The following PABPC4L variants were observed in gnomAD, a reference collection of about 807,000 sequenced individuals.
PABPC4L encodes poly(A) binding protein cytoplasmic 4 like, also known as polyadenylate-binding protein 4-like.
For missense variants in PABPC4L, 452 were observed against 451.4 expected, an observed-to-expected ratio of 1.00 and a Z score of -0.01; for synonymous variants, 169 against 164.1, an observed-to-expected ratio of 1.03 and a Z score of -0.23.
the PABPC4L span, among the ~76,000 whole-genome samples, chr4:134,115,724 G>T: frequency 6.6e-6 from 1 of 151,722 alleles, no homozygotes; most frequent in South Asian, 2.1e-4. Flanking sequence ...AAATTAGTAT[G>T]GTGATACTAC....
At chr4:134,181,143 T>G in the PABPC4L span, among the ~76,000 whole-genome samples, 983 of 151,886 alleles carry the variant, frequency 6.5e-3, 10 homozygotes, top group African/African-American at 0.022. Flanking sequence ...CAAACCAAAT[T>G]TAGTAGCAAT....
At chr4:134,186,467 G>A in the PABPC4L span, among the ~76,000 whole-genome samples, 1 of 152,154 alleles carries the variant, frequency 6.6e-6, no homozygotes, top group Non-Finnish European at 1.5e-5. Context: ...AATAAATGGT[G>A]CTGGGAAAAC....
chr4:134,057,394 C>T, the PABPC4L span, among the ~76,000 whole-genome samples: 1 of 151,904 alleles, frequency 6.6e-6, no homozygotes, highest in Non-Finnish European at 1.5e-5. Flanking sequence ...TGGTGATGGC[C>T]TCGTTACCAT....
the PABPC4L span, among the ~76,000 whole-genome samples, chr4:134,060,423 C>A: frequency 6.6e-6 from 1 of 151,352 alleles, no homozygotes; most frequent in East Asian, 2.0e-4. Context: ...GCTTACAGCT[C>A]CAGATCAGAA....
chr4:134,158,530 C>T, the PABPC4L span, among the ~76,000 whole-genome samples: 1 of 152,002 alleles, frequency 6.6e-6, no homozygotes, highest in South Asian at 2.1e-4. Context: ...TTCCTTAGAA[C>T]TTTAAGCGTA....
the PABPC4L span, among the ~76,000 whole-genome samples, chr4:134,060,937 G>C: frequency 6.6e-6 from 1 of 152,070 alleles, no homozygotes; most frequent in South Asian, 2.1e-4. Context: ...GATAGTGTGG[G>C]AGTGAGGGAG....
the PABPC4L span, among the ~76,000 whole-genome samples, chr4:134,047,771 G>C: frequency 6.7e-6 from 1 of 150,240 alleles, no homozygotes; most frequent in Non-Finnish European, 1.5e-5. Context: ...AGGCTGCAGT[G>C]AGTCTAAACT....
the PABPC4L span, among the ~76,000 whole-genome samples, chr4:134,074,171 A>G: frequency 6.6e-6 from 1 of 152,202 alleles, no homozygotes; most frequent in Non-Finnish European, 1.5e-5. Flanking sequence ...TTCCTCTTGA[A>G]TGCTTTGCCA....
chr4:134,128,277 G>T, the PABPC4L span, among the ~76,000 whole-genome samples: 2 of 152,134 alleles, frequency 1.3e-5, no homozygotes, highest in African/African-American at 4.8e-5. Context: ...CCTTGCTAGA[G>T]ATCTAGATAT....
chr4:134,056,310 G>C, the PABPC4L span, among the ~76,000 whole-genome samples: 1 of 151,812 alleles, frequency 6.6e-6, no homozygotes. Flanking sequence ...AATTGTTTTA[G>C]TAATTTTAGA....
At chr4:134,147,107 T>C in the PABPC4L span, among the ~76,000 whole-genome samples, 1 of 152,160 alleles carries the variant, frequency 6.6e-6, no homozygotes. Context: ...TTTCTTTCCA[T>C]ACATCAGCAT....
At chr4:134,003,216 T>C in the PABPC4L span, among the ~76,000 whole-genome samples, 1 of 151,990 alleles carries the variant, frequency 6.6e-6, no homozygotes, top group Admixed American at 6.6e-5. Context: ...AAATATTTAG[T>C]TCACGGAAAG....
At chr4:133,972,177 A>G in the PABPC4L span, among the ~76,000 whole-genome samples, 1 of 152,160 alleles carries the variant, frequency 6.6e-6, no homozygotes, top group African/African-American at 2.4e-5. Context: ...TAACCCAGTA[A>G]CATATTCCTG....
At chr4:133,953,975 G>A in the PABPC4L span, among the ~76,000 whole-genome samples, 3 of 152,186 alleles carry the variant, frequency 2.0e-5, no homozygotes, top group Non-Finnish European at 2.9e-5. Context: ...CTTGTTAAAG[G>A]CACACTCACA....
the PABPC4L span, among the ~76,000 whole-genome samples, chr4:134,121,358 T>C: frequency 1.3e-5 from 2 of 151,610 alleles, no homozygotes; most frequent in Non-Finnish European, 3.0e-5. Context: ...TTATTGAATG[T>C]TGAACATTTT....
chr4:134,015,266 G>A, the PABPC4L span, among the ~76,000 whole-genome samples: 1 of 152,030 alleles, frequency 6.6e-6, no homozygotes, highest in African/African-American at 2.4e-5. Flanking sequence ...CGTTTTACCT[G>A]TCCTAGAACC....
the PABPC4L span, among the ~76,000 whole-genome samples, chr4:134,182,727 A>G: frequency 1.3e-5 from 2 of 152,088 alleles, no homozygotes; most frequent in African/African-American, 4.8e-5. Flanking sequence ...TCTAATATCC[A>G]GAATCTATAA....
At chr4:134,168,801 G>T in the PABPC4L span, among the ~76,000 whole-genome samples, 2 of 151,714 alleles carry the variant, frequency 1.3e-5, no homozygotes, top group Non-Finnish European at 2.9e-5. Context: ...AAAATCCCAG[G>T]ATCTGATGAT....
the PABPC4L span, among the ~76,000 whole-genome samples, chr4:134,142,386 C>A: frequency 9.2e-5 from 14 of 151,482 alleles, no homozygotes; most frequent in South Asian, 6.2e-4. Context: ...CATAGTCGAA[C>A]CTTCTTATAA....
Sources: allele counts gnomAD v4.1 joint callset (sites outside exome capture counted in the v4.1 genomes callset), GRCh38; gene constraint gnomAD v4.1.1; transcripts MANE v1.5; gene names NCBI Gene and HGNC (gene_info 2026-07-23, HGNC 2026-07-21).